Variants in MYO1H observed in about 807,000 individuals in gnomAD.
MYO1H encodes the protein myosin IH.
In MYO1H, 118 loss-of-function variants were observed where a neutral mutation model predicts 149.3. The observed-to-expected ratio is 0.79, with a 90% CI of 0.68 to 0.92. The LOEUF (loss-of-function observed/expected upper bound fraction) is 0.92. Ranked by LOEUF, MYO1H falls within the 40% of genes least tolerant of loss-of-function variation. The probability of loss-of-function intolerance (pLI) is 0.00; values close to 1 mark genes in which losing one functional copy is unlikely to be tolerated. For missense variants in MYO1H, 1,212 were observed against 1,280.7 expected, an observed-to-expected ratio of 0.95 and a Z score of 0.82; for synonymous variants, 447 against 465.2, an observed-to-expected ratio of 0.96 and a Z score of 0.50.
the MYO1H span, among the ~76,000 whole-genome samples, chr12:109,327,414 T>C: frequency 6.6e-6 from 1 of 151,722 alleles, no homozygotes; most frequent in Non-Finnish European, 1.5e-5. Context: ...ATTACAGGCG[T>C]GAGCCACCGT....
At chr12:109,443,384 ACACACACAC>A (rs1872324393) in intron 27 of MYO1H, 121 bp from the exon 28 acceptor site, 1 of 868,094 alleles carries the variant, frequency 1.2e-6, no homozygotes, top group African/African-American at 1.7e-5. Context: ...ACACACACAC[ACACACACAC>A]ATACACGCAA....
the MYO1H span, among the ~76,000 whole-genome samples, chr12:109,333,581 C>T: frequency 6.6e-6 from 1 of 152,128 alleles, no homozygotes; most frequent in African/African-American, 2.4e-5. Context: ...CACACAGGAA[C>T]ACGTGACTGT....
the MYO1H span, among the ~76,000 whole-genome samples, chr12:109,320,872 G>T: frequency 1.3e-5 from 2 of 152,096 alleles, no homozygotes; most frequent in Admixed American, 6.5e-5. Context: ...GGTGGATCAC[G>T]AGGTCAAGAG....
chr12:109,347,520 G>A (rs769202959), upstream of MYO1H, among the ~76,000 whole-genome samples: 45 of 152,234 alleles, frequency 3.0e-4, no homozygotes, highest in Middle Eastern at 3.4e-3. Context: ...GAGCCAACAG[G>A]TACTTCCAGC....
At chr12:109,442,549 C>T (rs998441279) in intron 27 of MYO1H, among the ~76,000 whole-genome samples, 2 of 152,188 alleles carry the variant, frequency 1.3e-5, no homozygotes, top group African/African-American at 2.4e-5. Context: ...AACTTAATCA[C>T]GAAACACCCC....
chr12:109,360,087 G>A (rs746568675), intron 1 of MYO1H, among the ~76,000 whole-genome samples: 12 of 151,646 alleles, frequency 7.9e-5, no homozygotes, highest in Admixed American at 1.3e-4. Flanking sequence ...ACTTTGTCTT[G>A]GCTACCCTTC....
upstream of MYO1H, among the ~76,000 whole-genome samples, chr12:109,344,969 T>C (rs891825472): frequency 1.9e-4 from 29 of 152,200 alleles, no homozygotes; most frequent in African/African-American, 6.5e-4. Flanking sequence ...CACAAAAACT[T>C]ACTCAAAATG....
chr12:109,411,917 T>C (rs1427265302), exon 14 of MYO1H: 1 of 1,606,666 alleles, frequency 6.2e-7, no homozygotes, highest in Non-Finnish European at 8.5e-7. Flanking sequence ...TTCGGCCTGG[T>C]CCTGCTACAG....
the MYO1H span, among the ~76,000 whole-genome samples, chr12:109,335,316 G>GT: frequency 6.6e-6 from 1 of 152,084 alleles, no homozygotes; most frequent in Non-Finnish European, 1.5e-5. Flanking sequence ...GGGAGCAGGT[G>GT]TGGGGGGGTG....
intron 1 of MYO1H, among the ~76,000 whole-genome samples, chr12:109,388,282 G>GT (rs2137032028): frequency 1.3e-5 from 2 of 152,324 alleles, no homozygotes; most frequent in South Asian, 4.1e-4. Context: ...AGGAAAGCAA[G>GT]TCTGGGTATG....
chr12:109,340,877 G>A, the MYO1H span, among the ~76,000 whole-genome samples: 5 of 152,054 alleles, frequency 3.3e-5, no homozygotes, highest in African/African-American at 1.2e-4. Flanking sequence ...GATAAGGTTG[G>A]TAGAGATTCA....
chr12:109,433,802 G>A (rs1162563877), intron 20 of MYO1H, among the ~76,000 whole-genome samples: 1 of 152,188 alleles, frequency 6.6e-6, no homozygotes, highest in African/African-American at 2.4e-5. Flanking sequence ...AGCACATCCT[G>A]AGGGAGGCAG....
chr12:109,361,765 TG>T (rs1397312154), intron 1 of MYO1H, among the ~76,000 whole-genome samples: 1 of 138,882 alleles, frequency 7.2e-6, no homozygotes, highest in Admixed American at 8.4e-5. Context: ...GCTGTGATTG[TG>T]CCACTGCACT....
chr12:109,327,146 T>TC, the MYO1H span, among the ~76,000 whole-genome samples: 5 of 141,462 alleles, frequency 3.5e-5, no homozygotes. Context: ...TTTTTTTTTT[T>TC]TTTTGAGACA....
At chr12:109,348,000 G>A (rs1166598086) in intron 1 of MYO1H, 28 bp downstream of exon 1, 1 of 398,944 alleles carries the variant, frequency 2.5e-6, no homozygotes, top group Non-Finnish European at 4.4e-6. Flanking sequence ...CTAGAAGGTG[G>A]TTACACCTGG....
At position 109,411,986 on chromosome 12, in the gene MYO1H, G is replaced by A. The variant is rs866867621; in HGVS notation, c.1502+1G>A. On this transcript the variant is annotated splice_donor_variant, in intron 14 of 31. Transcript: ENST00000310903. LOFTEE classifies it high-confidence loss of function. ...TGGGCAAACATGCACACTTCGAAACGTACATACTTTATTTTACCAGATTTT... is the reference window on the plus strand; with the variant it reads ...TGGGCAAACATGCACACTTCGAAACATACATACTTTATTTTACCAGATTTT... The A allele has an allele frequency of 2.5e-5, 40 of 1,577,620 alleles. No homozygotes were observed. The Middle Eastern group carries it at 5.0e-4, about 20-fold the overall frequency.
At chr12:109,353,298 G>A (rs144754061) in intron 1 of MYO1H, among the ~76,000 whole-genome samples, 1,493 of 149,136 alleles carry the variant, frequency 0.01, 16 homozygotes, top group Non-Finnish European at 0.015. Flanking sequence ...GGAGGCTGAC[G>A]CAGGAAAATC....
At chr12:109,381,246 A>G (rs1869199620) in intron 1 of MYO1H, among the ~76,000 whole-genome samples, 2 of 152,128 alleles carry the variant, frequency 1.3e-5, no homozygotes, top group Admixed American at 6.5e-5. Flanking sequence ...AGACAAGGCC[A>G]TGTCAGAAGG....
At chr12:109,345,373 A>G (rs768428290), upstream of MYO1H, among the ~76,000 whole-genome samples, 3 of 152,242 alleles carry the variant, frequency 2.0e-5, no homozygotes, top group Non-Finnish European at 4.4e-5. Context: ...ATCGTTAGTC[A>G]TCAGTGAAAT....
Sources: allele counts gnomAD v4.1 joint callset (sites outside exome capture counted in the v4.1 genomes callset), GRCh38; gene constraint gnomAD v4.1.1; transcripts MANE v1.5; gene names NCBI Gene and HGNC (gene_info 2026-07-23, HGNC 2026-07-21).